The following FRMD5 variants were observed in gnomAD, a reference collection of about 807,000 sequenced individuals.
FRMD5 encodes the protein FERM domain containing 5, also known as FERM domain-containing protein 5.
A neutral mutation model predicts 69.0 loss-of-function variants in FRMD5; 20 were observed. That is an observed-to-expected ratio of 0.29 (90% CI 0.20 to 0.42). The LOEUF is 0.42. Ranked by LOEUF, FRMD5 falls within the 10% of genes least tolerant of loss-of-function variation. FRMD5 has a pLI of 1.00. For missense variants in FRMD5, 595 were observed against 708.6 expected (o/e 0.84, Z 1.82); for synonymous variants, 271 against 260.1 (o/e 1.04, Z -0.40).
intron 1 of FRMD5, among the ~76,000 whole-genome samples, chr15:44,048,809 G>C (rs1047382195): frequency 6.6e-6 from 1 of 152,118 alleles, no homozygotes; most frequent in Admixed American, 6.5e-5. Context: ...CTAGCCTCAA[G>C]TAATCTGCTG....
chr15:44,062,672 AGAGT>A (rs1893137750), intron 1 of FRMD5, among the ~76,000 whole-genome samples: 1 of 142,030 alleles, frequency 7.0e-6, no homozygotes, highest in South Asian at 2.4e-4. Context: ...CCTGGGCAAC[AGAGT>A]GAGACTCTGT....
intron 1 of FRMD5, among the ~76,000 whole-genome samples, chr15:44,015,584 A>C (rs1009909823): frequency 1.1e-4 from 17 of 152,224 alleles, no homozygotes; most frequent in African/African-American, 1.7e-4. Context: ...AAGTGAAATA[A>C]GGTCATTCTT....
chr15:44,071,520 T>A (rs558229477), intron 1 of FRMD5, among the ~76,000 whole-genome samples: 2 of 152,316 alleles, frequency 1.3e-5, no homozygotes, highest in East Asian at 3.9e-4. Context: ...CCCTACTTAA[T>A]ACAATTTAGT....
chr15:44,091,886 G>C (rs1380263713), intron 1 of FRMD5, among the ~76,000 whole-genome samples: 1 of 151,964 alleles, frequency 6.6e-6, no homozygotes, highest in Non-Finnish European at 1.5e-5. Flanking sequence ...AGTCAAGAGA[G>C]GAAGGAAAAA....
intron 1 of FRMD5, among the ~76,000 whole-genome samples, chr15:43,985,063 G>A (rs1445605018): frequency 3.3e-5 from 5 of 151,262 alleles, no homozygotes; most frequent in African/African-American, 7.3e-5. Context: ...GGCAGATCAC[G>A]AGGTCAGGAG....
chr15:44,065,311 T>C (rs574518204), intron 1 of FRMD5, among the ~76,000 whole-genome samples: 15 of 152,298 alleles, frequency 9.8e-5, no homozygotes, highest in African/African-American at 3.6e-4. Context: ...CAAAAATATA[T>C]GGCACAGTTT....
At chr15:44,018,564 A>G (rs374075158) in intron 1 of FRMD5, among the ~76,000 whole-genome samples, 1 of 152,174 alleles carries the variant, frequency 6.6e-6, no homozygotes, top group East Asian at 1.9e-4. Flanking sequence ...TTCTCAATCT[A>G]TTCACTTGTT....
chr15:44,188,323 T>G (rs2078137284), intron 1 of FRMD5, among the ~76,000 whole-genome samples: 1 of 152,152 alleles, frequency 6.6e-6, no homozygotes, highest in South Asian at 2.1e-4. Context: ...GGGAAGAGAA[T>G]CTATTAAGAC....
intron 1 of FRMD5, among the ~76,000 whole-genome samples, chr15:44,185,512 C>G (rs1335330769): frequency 6.6e-6 from 1 of 152,108 alleles, no homozygotes; most frequent in Non-Finnish European, 1.5e-5. Context: ...AGAGGCAAGG[C>G]CAGGCATGGT....
chr15:43,884,811 T>C lies in FRMD5; in HGVS notation c.960-16A>G, dbSNP rs1482867631. The C allele has an allele frequency of 1.2e-6, 2 of 1,611,438 alleles. No individual in the cohort carries two copies. Among genetic ancestry groups the C allele is most frequent in the East Asian group, 2.2e-5 (1 of 44,864 alleles). ...AACTCGGCCACTGTAAGTAGTGTAATAAAAACAAGCAGCAAGAAATGAGAC... is the reference window on the plus strand; with the variant it reads ...AACTCGGCCACTGTAAGTAGTGTAACAAAAACAAGCAGCAAGAAATGAGAC... On this transcript the variant is annotated splice_polypyrimidine_tract_variant and intron_variant, in intron 11 of 13. Transcript: ENST00000417257.
intron 1 of FRMD5, among the ~76,000 whole-genome samples, chr15:44,086,088 T>G (rs1201486756): frequency 6.6e-6 from 1 of 152,170 alleles, no homozygotes; most frequent in Non-Finnish European, 1.5e-5. Flanking sequence ...AGGTGTTTAA[T>G]AATGATACAA....
intron 1 of FRMD5, among the ~76,000 whole-genome samples, chr15:44,175,765 A>T (rs1179110448): frequency 1.3e-5 from 2 of 152,208 alleles, no homozygotes; most frequent in Non-Finnish European, 2.9e-5. Context: ...CATAAAATAG[A>T]ATAGTACTCA....
chr15:44,005,604 A>T (rs994216032), intron 1 of FRMD5, among the ~76,000 whole-genome samples: 3 of 152,116 alleles, frequency 2.0e-5, no homozygotes, highest in African/African-American at 7.2e-5. Context: ...GGGAGGCCTC[A>T]GGAAACTTAC....
intron 1 of FRMD5, among the ~76,000 whole-genome samples, chr15:44,159,093 G>A (rs1352937998): frequency 6.6e-6 from 1 of 152,156 alleles, no homozygotes; most frequent in African/African-American, 2.4e-5. Context: ...AGAGGAACAG[G>A]GCATTCTATT....
intron 1 of FRMD5, among the ~76,000 whole-genome samples, chr15:43,998,220 A>C (rs1021231262): frequency 6.6e-6 from 1 of 152,200 alleles, no homozygotes; most frequent in Non-Finnish European, 1.5e-5. Flanking sequence ...TCTGCTATCA[A>C]GATTAAATGA....
chr15:43,894,453 G>A (rs1385713712), intron 7 of FRMD5, among the ~76,000 whole-genome samples: 2 of 152,068 alleles, frequency 1.3e-5, no homozygotes, highest in South Asian at 2.1e-4. Flanking sequence ...GTGGGTCAGA[G>A]GGGCCAGTCT....
intron 1 of FRMD5, among the ~76,000 whole-genome samples, chr15:43,926,398 G>A (rs1453739791): frequency 6.6e-6 from 1 of 152,176 alleles, no homozygotes; most frequent in Non-Finnish European, 1.5e-5. Flanking sequence ...TGGTTATCAC[G>A]TTTGTCTCAG....
intron 7 of FRMD5, among the ~76,000 whole-genome samples, chr15:43,892,688 C>T (rs577638162): frequency 3.9e-5 from 6 of 152,242 alleles, no homozygotes; most frequent in South Asian, 2.1e-4. Context: ...GACTGATAGA[C>T]GCTACAACAC....
chr15:43,951,985 TGTGTGTGTGTGTGTCTG>T (rs2090040337), intron 1 of FRMD5, among the ~76,000 whole-genome samples: 19 of 114,920 alleles, frequency 1.7e-4, no homozygotes, highest in African/African-American at 8.6e-4. Flanking sequence ...GTGTGTTGTG[TGTGTGTGTGTGTGTCTG>T]TGTGTGTGTG....
Sources: gnomAD v4.1 joint callset for allele counts (sites outside exome capture counted in the v4.1 genomes callset) on GRCh38, gnomAD v4.1.1 for gene constraint, MANE v1.5 for transcripts, NCBI Gene and HGNC (gene_info 2026-07-23, HGNC 2026-07-21) for gene names.